PRORP: variants seen among roughly 807,000 people sequenced by gnomAD.
PRORP encodes protein only RNase P catalytic subunit.
Under a neutral mutation model 59.4 loss-of-function variants are expected in PRORP, and 51 were observed. That is an observed-to-expected ratio of 0.86 (90% CI 0.69 to 1.08). The LOEUF (loss-of-function observed/expected upper bound fraction) is 1.08, where lower values mean the gene tolerates loss of function less well. PRORP is among the 50% of genes least tolerant of loss of function. The pLI is 0.00. For synonymous variants in PRORP, 231 were observed against 245.6 expected (o/e 0.94, Z 0.55); for missense variants, 646 against 690.3 (o/e 0.94, Z 0.72).
At chr14:35,139,451 T>C (rs2047436955) in intron 4 of PRORP, among the ~76,000 whole-genome samples, 1 of 145,460 alleles carries the variant, frequency 6.9e-6, no homozygotes, top group African/African-American at 2.4e-5. Context: ...TCCCTTGCCC[T>C]GCCATCCCCA....
At chr14:35,169,098 T>A (rs201606686) in intron 4 of PRORP, among the ~76,000 whole-genome samples, 81 of 151,840 alleles carry the variant, frequency 5.3e-4, no homozygotes, top group Admixed American at 1.4e-3. Context: ...TCTTTTTTTT[T>A]TATATAAGTA....
At chr14:35,266,543 C>T (rs2051047611) in intron 5 of PRORP, among the ~76,000 whole-genome samples, 184 bp from the exon 6 acceptor site, 1 of 152,078 alleles carries the variant, frequency 6.6e-6, no homozygotes, top group South Asian at 2.1e-4. Flanking sequence ...AGATGTTAGA[C>T]ATTAATGTGT....
chr14:35,208,829 A>G (rs1327809381), intron 5 of PRORP, among the ~76,000 whole-genome samples: 1 of 152,084 alleles, frequency 6.6e-6, no homozygotes, highest in East Asian at 1.9e-4. Context: ...AACATGGTGA[A>G]TGAAACCTTG....
intron 5 of PRORP, among the ~76,000 whole-genome samples, chr14:35,231,374 T>G (rs913785175): frequency 6.6e-6 from 1 of 152,174 alleles, no homozygotes; most frequent in African/African-American, 2.4e-5. Flanking sequence ...AACTAGTATA[T>G]CCTGATAAAC....
At chr14:35,262,111 G>C (rs1376240671) in intron 5 of PRORP, among the ~76,000 whole-genome samples, 1 of 152,118 alleles carries the variant, frequency 6.6e-6, no homozygotes, top group African/African-American at 2.4e-5. Flanking sequence ...TGTTTTCCCA[G>C]TTGCCTGAAA....
chr14:35,240,315 G>GTT (rs5807821), intron 5 of PRORP, among the ~76,000 whole-genome samples: 3 of 129,326 alleles, frequency 2.3e-5, no homozygotes, highest in Non-Finnish European at 3.2e-5. Context: ...TTTTTTTTTG[G>GTT]TTTAAAATTT....
Position 35,268,786 on chromosome 14 carries a change from G to A in PRORP, c.1425-1615G>A, listed in dbSNP as rs1344882169. On this transcript the variant is annotated intron_variant, in intron 6 of 7. Coordinates refer to ENST00000534898, the MANE Select transcript of PRORP (RefSeq NM_014672.4). ...AATTTTTGTATTTTTAGTGGAGATG[G>A]GGTTTCACCATGTTGGCCAGGCTGG... 2.6e-5 allele frequency among the ~76,000 whole-genome samples: 4 copies of A among 152,080 alleles called. No homozygotes were observed. In the South Asian group the frequency reaches 8.3e-4, roughly 32 times the overall value.
In PRORP at chr14:35,264,185, TG is replaced by T. The variant is rs1046628738; in HGVS notation, c.1276-2540del. Reference sequence around the variant, plus strand: ...CTCTGTCACCCAGGCTGGAGTGCAGTGGTGTGATCTCAGCTCATGGCAACCT... The same window carrying T: ...CTCTGTCACCCAGGCTGGAGTGCAGTGTGTGATCTCAGCTCATGGCAACCT... On this transcript the variant is annotated intron_variant, in intron 5 of 7. Coordinates refer to ENST00000534898, the MANE Select transcript of PRORP (RefSeq NM_014672.4). 5.2e-4 allele frequency among the ~76,000 whole-genome samples: 79 copies of T among 152,202 alleles called. 1 individual carries two copies. Among genetic ancestry groups the T allele is most frequent in the African/African-American group, 1.8e-3 (73 of 41,530 alleles).
At chr14:35,257,184 C>A (rs534228768) in intron 5 of PRORP, among the ~76,000 whole-genome samples, 4 of 152,216 alleles carry the variant, frequency 2.6e-5, no homozygotes, top group South Asian at 4.1e-4. Flanking sequence ...CTGATAAAAT[C>A]TTTTATTGTT....
chr14:35,180,861 C>T (rs1332283424), intron 5 of PRORP, 84 bp downstream of exon 5: 16 of 869,488 alleles, frequency 1.8e-5, no homozygotes. Context: ...GCTCTTAGCT[C>T]CTCAGTTTTT....
intron 4 of PRORP, among the ~76,000 whole-genome samples, chr14:35,131,131 C>T (rs1487525234): frequency 2.0e-5 from 3 of 151,756 alleles, no homozygotes; most frequent in Admixed American, 6.6e-5. Flanking sequence ...TTAATAGAGA[C>T]GGGGTTTCAC....
intron 4 of PRORP, 141 bp from the exon 5 acceptor site, chr14:35,180,529 T>C (rs1405086521): frequency 1.8e-5 from 10 of 563,940 alleles, no homozygotes; most frequent in African/African-American, 1.7e-4. Flanking sequence ...AGAGTATCTG[T>C]GTGTGTGTGT....
At chr14:35,250,440 C>T (rs575826136) in intron 5 of PRORP, among the ~76,000 whole-genome samples, 6 of 152,158 alleles carry the variant, frequency 3.9e-5, no homozygotes, top group South Asian at 2.1e-4. Flanking sequence ...GAACTTCCTC[C>T]GGTTCCTGAA....
intron 4 of PRORP, among the ~76,000 whole-genome samples, chr14:35,151,199 G>C (rs1023820347): frequency 1.3e-5 from 2 of 152,074 alleles, no homozygotes; most frequent in Non-Finnish European, 2.9e-5. Context: ...AAAAGATTCT[G>C]CCTAGGATTT....
At chr14:35,152,644 G>A (rs1306394141) in intron 4 of PRORP, among the ~76,000 whole-genome samples, 1 of 151,618 alleles carries the variant, frequency 6.6e-6, no homozygotes, top group South Asian at 2.1e-4. Context: ...CAGGGCGGCT[G>A]CCTGGCGGAG....
intron 4 of PRORP, among the ~76,000 whole-genome samples, chr14:35,170,449 A>G (rs2048287156): frequency 6.6e-6 from 1 of 152,106 alleles, no homozygotes; most frequent in Admixed American, 6.6e-5. Flanking sequence ...TATTTTTTAA[A>G]TGTATGATTT....
At chr14:35,133,589 G>C (rs965996380) in intron 4 of PRORP, among the ~76,000 whole-genome samples, 2 of 152,090 alleles carry the variant, frequency 1.3e-5, no homozygotes, top group Non-Finnish European at 2.9e-5. Flanking sequence ...GAAGAGTTAG[G>C]TATTTATTGT....
chr14:35,216,861 C>T (rs777851532), intron 5 of PRORP, among the ~76,000 whole-genome samples: 5 of 152,074 alleles, frequency 3.3e-5, no homozygotes, highest in Non-Finnish European at 7.4e-5. Flanking sequence ...GAAGTGGTAT[C>T]GTAAGTGATT....
chr14:35,228,225 G>A (rs1426814767), intron 5 of PRORP, among the ~76,000 whole-genome samples: 1 of 152,218 alleles, frequency 6.6e-6, no homozygotes, highest in Admixed American at 6.5e-5. Context: ...GCCAGCCATT[G>A]AGCATTATTG....
Sources: gnomAD v4.1 joint callset for allele counts (sites outside exome capture counted in the v4.1 genomes callset) on GRCh38, gnomAD v4.1.1 for gene constraint, MANE v1.5 for transcripts, NCBI Gene and HGNC (gene_info 2026-07-23, HGNC 2026-07-21) for gene names.